The following TTC7B variants were observed in gnomAD, a reference collection of about 807,000 sequenced individuals.
TTC7B encodes the protein tetratricopeptide repeat protein 7B.
Under a neutral mutation model 106.8 loss-of-function variants are expected in TTC7B, and 28 were observed. The ratio of observed to expected loss-of-function variants is 0.26; its 90% confidence interval spans 0.19 to 0.36. The LOEUF (loss-of-function observed/expected upper bound fraction) is 0.36. Ranked by LOEUF, TTC7B falls within the 10% of genes least tolerant of loss-of-function variation. The pLI is 1.00. For missense variants in TTC7B, 862 were observed against 1,076.4 expected (o/e 0.80, Z 2.79); for synonymous variants, 405 against 430.6 (o/e 0.94, Z 0.74).
At chr14:90,747,791 T>C (rs1055845956) in intron 3 of TTC7B, among the ~76,000 whole-genome samples, 1 of 152,228 alleles carries the variant, frequency 6.6e-6, no homozygotes, top group Admixed American at 6.5e-5. Context: ...TTTTGTTTCA[T>C]GTATTTTAGA....
intron 1 of TTC7B, among the ~76,000 whole-genome samples, chr14:90,803,812 A>T (rs936454402): frequency 1.3e-4 from 2 of 15,228 alleles, no homozygotes; most frequent in Non-Finnish European, 3.8e-4. Context: ...TACGCTGGTC[A>T]CACACACACA....
chr14:90,584,046 ACC>A (rs1250741248), intron 18 of TTC7B, among the ~76,000 whole-genome samples: 21 of 151,616 alleles, frequency 1.4e-4, no homozygotes, highest in Non-Finnish European at 8.8e-5. Context: ...GCTCTGGGAC[ACC>A]CCTCGACCTC....
chr14:90,695,644 C>A (rs189390861), intron 5 of TTC7B, 66 bp from the exon 6 acceptor site: 4 of 1,008,424 alleles, frequency 4.0e-6, no homozygotes, highest in East Asian at 2.9e-5. Flanking sequence ...TTTATATGCA[C>A]GTTTCAATGC....
In TTC7B at chr14:90,674,567, G is replaced by A. The variant is rs1886753550; in HGVS notation, c.1152+1956C>T. ...TTGTCACACCTGGCAGCTCCAGGCT[G>A]GGGGCAGCTTGTGAGCAGGGGCCAC... On this transcript the variant is annotated intron_variant, in intron 9 of 19. Transcript: ENST00000328459. Among the ~76,000 whole-genome samples, 4 of 152,232 alleles carry A rather than the reference G, an allele frequency of 2.6e-5. No homozygotes were observed. In the South Asian group the frequency reaches 8.3e-4, roughly 31 times the overall value.
chr14:90,610,385 A>AAC (rs1892822225), intron 17 of TTC7B, among the ~76,000 whole-genome samples: 1 of 152,234 alleles, frequency 6.6e-6, no homozygotes, highest in African/African-American at 2.4e-5. Flanking sequence ...TTAGAAAGTG[A>AAC]ACCTTGCTTT....
intron 9 of TTC7B, among the ~76,000 whole-genome samples, chr14:90,666,951 C>T (rs1224426507): frequency 6.6e-6 from 1 of 152,206 alleles, no homozygotes; most frequent in African/African-American, 2.4e-5. Flanking sequence ...CGGGGTCCTA[C>T]TCAAATACTA....
In TTC7B at chr14:90,594,512, C is replaced by G. The variant is rs528627341; in HGVS notation, c.1967-886G>C. On this transcript the variant is annotated intron_variant, in intron 17 of 19. Coordinates refer to ENST00000328459, the MANE Select transcript of TTC7B (RefSeq NM_001010854.2). Reference sequence around the variant, plus strand: ...ACTCTTGGAGATGTGGTTTTAGAATCAAGAGCAGGATTCTCTTGATTTCAA... The same window carrying G: ...ACTCTTGGAGATGTGGTTTTAGAATGAAGAGCAGGATTCTCTTGATTTCAA... 2.0e-5 allele frequency among the ~76,000 whole-genome samples: 3 copies of G among 152,234 alleles called. No individual in the cohort carries two copies. The South Asian group carries it at 6.2e-4, about 32-fold the overall frequency.
intron 1 of TTC7B, among the ~76,000 whole-genome samples, chr14:90,803,829 C>G (rs1353646354): frequency 6.6e-6 from 1 of 152,160 alleles, no homozygotes; most frequent in Non-Finnish European, 1.5e-5. Context: ...CACACACACA[C>G]ACACACAATT....
chr14:90,641,928 T>TGTGTGC (rs201150005), intron 15 of TTC7B, among the ~76,000 whole-genome samples: 2,239 of 133,336 alleles, frequency 0.017, 47 homozygotes, highest in African/African-American at 0.072. Context: ...AGCTTGTGTG[T>TGTGTGC]GTGTGCGTGT....
intron 7 of TTC7B, among the ~76,000 whole-genome samples, chr14:90,684,132 AAGG>A (rs1887163630): frequency 6.9e-6 from 1 of 145,950 alleles, no homozygotes; most frequent in African/African-American, 2.5e-5. Context: ...GAGACCTACA[AAGG>A]AGTTTAGACA....
intron 15 of TTC7B, among the ~76,000 whole-genome samples, chr14:90,630,103 G>A (rs756633745): frequency 1.3e-5 from 2 of 152,196 alleles, no homozygotes; most frequent in South Asian, 4.1e-4. Flanking sequence ...ATAAACAAAC[G>A]TGGCTTCAAA....
intron 17 of TTC7B, chr14:90,605,631 G>T (rs758234624): frequency 7.8e-7 from 1 of 1,288,370 alleles, no homozygotes; most frequent in South Asian, 1.2e-5. Context: ...CTGCGTCACT[G>T]AATGAATGAG....
At chr14:90,643,852 G>T (rs8014329) in intron 15 of TTC7B, among the ~76,000 whole-genome samples, 196 bp downstream of exon 15, 3 of 151,902 alleles carry the variant, frequency 2.0e-5, no homozygotes, top group Admixed American at 6.6e-5. Flanking sequence ...CAAAGTGCTG[G>T]GATTATAGAT....
intron 5 of TTC7B, among the ~76,000 whole-genome samples, chr14:90,711,016 T>C (rs1444744136): frequency 2.0e-5 from 3 of 152,066 alleles, no homozygotes; most frequent in Non-Finnish European, 2.9e-5. Context: ...CCTTCAAAAA[T>C]GAGGAAAAAA....
chr14:90,653,376 G>A (rs751883195), intron 12 of TTC7B, among the ~76,000 whole-genome samples: 76 of 152,166 alleles, frequency 5.0e-4, no homozygotes, highest in Non-Finnish European at 9.1e-4. Context: ...ACAGTAGCTT[G>A]CTGCCTTGAA....
chr14:90,652,889 C>G lies in TTC7B; in HGVS notation c.1469G>C (p.Arg490Pro). Residue 490 changes from arginine (R) to proline (P), a missense_variant, in exon 13 of 20, where the codon CGA becomes CCA. Coordinates refer to ENST00000328459, the MANE Select transcript of TTC7B (RefSeq NM_001010854.2). ...YSLQATDASL[R>P]GMQEVLQRKA... is the part of the protein sequence containing the mutation. ...TCTCTGTAGGACCTCCTGCATCCCT[C>G]GCAAAGAAGCTAAGAAAAGGGTTCA... is the stretch of plus-strand genomic sequence containing the variant. The G allele has an allele frequency of 6.2e-7, 1 of 1,614,174 alleles. No homozygotes were observed. The highest frequency in any genetic ancestry group is 1.1e-5 in the South Asian group (1 of 91,080).
intron 1 of TTC7B, among the ~76,000 whole-genome samples, chr14:90,800,395 T>C (rs2030182845): frequency 6.6e-6 from 1 of 152,172 alleles, no homozygotes; most frequent in African/African-American, 2.4e-5. Context: ...CTCTGAAACC[T>C]GTGGACATGT....
chr14:90,753,633 C>T (rs901134147), intron 3 of TTC7B, among the ~76,000 whole-genome samples: 7 of 152,178 alleles, frequency 4.6e-5, no homozygotes, highest in African/African-American at 1.2e-4. Context: ...GGGACAGGGA[C>T]GCCGGCCTGG....
rs746402998 is a variant in TTC7B at position 90,537,352 on chromosome 14, A to AT, written c.*4015dup. 0.021 allele frequency: 2,310 copies of AT among 107,590 alleles called. 79 individuals carry two copies. The highest frequency in any genetic ancestry group is 0.071 in the African/African-American group (1,845 of 25,886). 6.7% of individuals were successfully genotyped at this position (107,590 alleles called of 1,614,324 possible). ...CAGGTGCACGCCACCAAACCTGGCTATTTTTTTTTTTTTGTAGAGATGGGG... is the reference window on the plus strand; with the variant it reads ...CAGGTGCACGCCACCAAACCTGGCTATTTTTTTTTTTTTTGTAGAGATGGGG... On this transcript the variant is annotated 3_prime_UTR_variant, in exon 20 of 20. Coordinates refer to ENST00000328459, the MANE Select transcript of TTC7B (RefSeq NM_001010854.2).
Sources: allele counts gnomAD v4.1 joint callset (sites outside exome capture counted in the v4.1 genomes callset), GRCh38; gene constraint gnomAD v4.1.1; transcripts MANE v1.5; gene names NCBI Gene and HGNC (gene_info 2026-07-23, HGNC 2026-07-21).